The following AMOT variants were observed in gnomAD, a reference collection of about 807,000 sequenced individuals.
The protein encoded by AMOT is angiomotin.
A neutral mutation model predicts 67.0 loss-of-function variants in AMOT; 11 were observed. The observed-to-expected ratio is 0.16, with a 90% CI of 0.10 to 0.27. The LOEUF (loss-of-function observed/expected upper bound fraction) is 0.27, where lower values mean the gene tolerates loss of function less well. Among genes scored for constraint, AMOT ranks in the 10% least tolerant of loss-of-function variants. AMOT has a pLI of 1.00. For synonymous variants in AMOT, 326 were observed against 321.4 expected (o/e 1.01, Z -0.15); for missense variants, 753 against 852.0 (o/e 0.88, Z 1.45).
At position 112,779,241 on chromosome X, in the gene AMOT, A is replaced by G; in HGVS notation, c.2913T>C (p.Val971=). The stretch of plus-strand genomic sequence containing the variant: ...GAACTGGAGCCGGAGCAGCTGGAGC[A>G]ACCTGAACAGCAGCAGCAGCAGCAG... The part of the protein sequence containing the change: ...PSAAAAAAVQ[V]APAAPAPVPA... Residue 971 remains valine, a synonymous_variant, in exon 13 of 14, where the codon GTT becomes GTC. Transcript: ENST00000371959. 1 of 664,926 alleles carries G rather than the reference A, an allele frequency of 1.5e-6. No homozygotes were observed. Among genetic ancestry groups the G allele is most frequent in the Non-Finnish European group, 2.5e-6 (1 of 400,990 alleles). 54.8% of individuals were successfully genotyped at this position (664,926 alleles called of 1,213,427 possible).
chrX:112,823,815 T>C (rs946136259), intron 3 of AMOT, among the ~76,000 whole-genome samples: 5 of 112,162 alleles, frequency 4.5e-5, no homozygotes, highest in African/African-American at 1.6e-4. Context: ...CTCCTTGGCT[T>C]AATAAGAGAA....
chrX:112,786,868 T>C (rs1194330908), intron 10 of AMOT, among the ~76,000 whole-genome samples: 1 of 112,421 alleles, frequency 8.9e-6, no homozygotes, highest in Non-Finnish European at 1.9e-5. Context: ...AAATACTCAT[T>C]TTAGATATGC....
At chrX:112,825,364 G>A (rs1361653660) in intron 2 of AMOT, 144 bp from the exon 3 acceptor site, 2 of 111,899 alleles carry the variant, frequency 1.8e-5, no homozygotes, top group African/African-American at 6.5e-5. Flanking sequence ...GAGTAGCAGA[G>A]TCCATCTCCA....
chrX:112,785,299 T>C (rs1452854584), intron 10 of AMOT, among the ~76,000 whole-genome samples: 1 of 112,294 alleles, frequency 8.9e-6, no homozygotes, highest in Non-Finnish European at 1.9e-5. Context: ...GACGAAGTTA[T>C]CCCATCACAT....
At chrX:112,828,657 T>G (rs1449131703) in intron 2 of AMOT, among the ~76,000 whole-genome samples, 4 of 111,040 alleles carry the variant, frequency 3.6e-5, no homozygotes, top group African/African-American at 1.3e-4. Flanking sequence ...GACCACCTAG[T>G]GGTCCCACCC....
chrX:112,834,256 C>T lies in AMOT; in HGVS notation c.-288-1886G>A, dbSNP rs138602739. On this transcript the variant is annotated intron_variant, in intron 1 of 13. Coordinates refer to ENST00000371959, the MANE Select transcript of AMOT (RefSeq NM_001113490.2). Reference sequence around the variant, plus strand: ...CTTTACTGATTGAGTCCAGGCCTCTCGGATAATGAGAAGCATGTGCAGGGA... The same window carrying T: ...CTTTACTGATTGAGTCCAGGCCTCTTGGATAATGAGAAGCATGTGCAGGGA... 1.7e-3 allele frequency among the ~76,000 whole-genome samples: 188 copies of T among 111,416 alleles called. 2 individuals are homozygous for T. The highest frequency in any genetic ancestry group is 5.6e-3 in the Admixed American group (59 of 10,466).
chrX:112,809,516 C>G (rs983033854), intron 7 of AMOT, among the ~76,000 whole-genome samples: 25 of 111,120 alleles, frequency 2.2e-4, no homozygotes, highest in African/African-American at 8.2e-4. Context: ...TATCATCGAT[C>G]CTGCATATTA....
chrX:112,809,961 C>G lies in AMOT; in HGVS notation c.1563G>C (p.Gln521His), dbSNP rs770860350. 8.3e-7 allele frequency: 1 copy of G among 1,209,606 alleles called. No individual in the cohort carries two copies. The highest frequency in any genetic ancestry group is 3.0e-5 in the East Asian group (1 of 33,741). The change falls in exon 7 of 14, where the codon CAG becomes CAC. Residue 521 changes from glutamine (Q) to histidine (H), a missense_variant. Coordinates refer to ENST00000371959, the MANE Select transcript of AMOT (RefSeq NM_001113490.2). ...ACCCCTCATATTCCTTCTCTGCAAG[C>G]TGCTTGTTGGCAGTCTCTAGACGCT... ...LRERLETANK[Q>H]LAEKEYEGSE...
At chrX:112,834,916 C>T (rs886751993) in intron 1 of AMOT, among the ~76,000 whole-genome samples, 2 of 112,114 alleles carry the variant, frequency 1.8e-5, no homozygotes, top group African/African-American at 6.5e-5. Flanking sequence ...CCACACAGTA[C>T]AAAACTGTTT....
rs757593816 is a variant in AMOT, at chrX:112,815,415, G to C, written c.1335C>G (p.Asn445Lys). Residue 445 changes from asparagine (N) to lysine (K), a missense_variant, in exon 5 of 14, where the codon AAC becomes AAG. By Grantham distance (94) the Asn-to-Lys change is moderately conservative (BLOSUM62 0). This residue lies in a region of AMOT where 297 missense variants were observed against 284.3 expected (regional missense o/e 1.04). Transcript: ENST00000371959. The stretch of plus-strand genomic sequence containing the variant: ...CTTCCAACTCTTGCCTCAAGTTCCG[G>C]TTCTCGTCTGAGAGGATCTCAACCA... ...QQMVEILSDENRNLRQELEGC... is the reference protein window; with the variant it reads ...QQMVEILSDEKRNLRQELEGC... The C allele has an allele frequency of 8.3e-7, 1 of 1,211,655 alleles. No individual in the cohort carries two copies. Among genetic ancestry groups the C allele is most frequent in the South Asian group, 1.8e-5 (1 of 56,942 alleles).
In AMOT at chrX:112,778,034, A is replaced by G. The variant is rs1294418389; in HGVS notation, c.*533T>C. ...GCTCCAGTACCCTTCTGCACCCCAA[A>G]ACTCCCTACCTTTTTTCCAGCTTAC... On this transcript the variant is annotated 3_prime_UTR_variant, in exon 14 of 14. Coordinates refer to ENST00000371959, the MANE Select transcript of AMOT (RefSeq NM_001113490.2). 9.0e-6 allele frequency: 1 copy of G among 111,531 alleles called. No individual in the cohort carries two copies. Among genetic ancestry groups the G allele is most frequent in the East Asian group, 2.8e-4 (1 of 3,528 alleles). The allele number at this position is 111,531 out of a possible 1,213,427, so 9.2% of individuals were successfully genotyped here.
At position 112,791,925 on chromosome X, in the gene AMOT, T is replaced by C; in HGVS notation, c.1833A>G (p.Val611=). 2 of 1,212,061 alleles carry C rather than the reference T, an allele frequency of 1.7e-6. No individual in the cohort carries two copies. Among genetic ancestry groups the C allele is most frequent in the Non-Finnish European group, 2.2e-6 (2 of 895,498 alleles). ...DKVEKMQQAL[V]QLQAACEKRE... ...GTTTTTCACATGCTGCCTGGAGCTG[T>C]ACAAGGGCCTGCTGCATCTTCTCCA... The change falls in exon 9 of 14, where the codon GTA becomes GTG. Residue 611 remains valine, a synonymous_variant. Coordinates refer to ENST00000371959, the MANE Select transcript of AMOT (RefSeq NM_001113490.2).
At chrX:112,811,706 A>T (rs1439650096) in intron 5 of AMOT, among the ~76,000 whole-genome samples, 1 of 111,846 alleles carries the variant, frequency 8.9e-6, no homozygotes, top group East Asian at 2.8e-4. Flanking sequence ...TCTGAAGAAA[A>T]CTCTTAATTT....
In AMOT at chrX:112,805,006, C is replaced by T. The variant is rs767625475; in HGVS notation, c.1717G>A (p.Glu573Lys). The change falls in exon 8 of 14, where the codon GAA (glutamate) becomes AAA (lysine). Residue 573 changes from glutamate to lysine, a missense_variant. By Grantham distance (56) the Glu-to-Lys change is moderately conservative. Around this residue, in one of 5 missense-constraint regions of AMOT, gnomAD observed 66 missense variants for 112.9 expected, o/e 0.58. Coordinates refer to ENST00000371959, the MANE Select transcript of AMOT (RefSeq NM_001113490.2). ...STNEDQRRHI[E>K]IRDQALSNAQ... ...TTACTCAGGGCCTGATCTCGGATTT[C>T]GATGTGTCGTCTTTGGTCCTCATTG... 2 of 1,200,336 alleles carry T rather than the reference C, an allele frequency of 1.7e-6. No individual in the cohort carries two copies. Among genetic ancestry groups the T allele is most frequent in the Admixed American group, 2.2e-5 (1 of 45,533 alleles).
At chrX:112,797,880 A>G (rs1351932026) in intron 8 of AMOT, among the ~76,000 whole-genome samples, 2 of 108,544 alleles carry the variant, frequency 1.8e-5, no homozygotes, top group South Asian at 3.9e-4. Context: ...AATAGAAAGA[A>G]AGAGAGAGAG....
intron 5 of AMOT, among the ~76,000 whole-genome samples, chrX:112,813,433 T>C (rs778876099): frequency 5.4e-5 from 6 of 111,485 alleles, no homozygotes; most frequent in Non-Finnish European, 3.8e-5. Flanking sequence ...ACCTGGGATC[T>C]ACCTTAATTT....
At position 112,778,660 on chromosome X, in the gene AMOT, C is replaced by T. The variant is rs2083235671; in HGVS notation, c.3162G>A (p.Gly1054=). ...SLTCNPDKTD[G]PVFHSNTLER... is the part of the protein sequence containing the mutation. ...CCAGAGTATTGGAGTGGAACACAGGCCCATCTAAATGGAAATAAGGGTTAG... is the reference window on the plus strand; with the variant it reads ...CCAGAGTATTGGAGTGGAACACAGGTCCATCTAAATGGAAATAAGGGTTAG... The change falls in exon 14 of 14, where the codon GGG becomes GGA. Residue 1054 remains glycine, a synonymous_variant. Coordinates refer to ENST00000371959, the MANE Select transcript of AMOT (RefSeq NM_001113490.2). 8.4e-7 allele frequency: 1 copy of T among 1,191,096 alleles called. No homozygotes were observed. Among genetic ancestry groups the T allele is most frequent in the African/African-American group, 1.7e-5 (1 of 57,299 alleles).
At chrX:112,819,220 G>GCA in intron 4 of AMOT, 17 of 303,583 alleles carry the variant, frequency 5.6e-5, no homozygotes, top group Non-Finnish European at 6.6e-5. Context: ...ACATGTGCAT[G>GCA]CACACACACA....
chrX:112,832,077 A>C, intron 2 of AMOT, among the ~76,000 whole-genome samples: 1 of 111,158 alleles, frequency 9.0e-6, no homozygotes, highest in East Asian at 2.8e-4. Flanking sequence ...ATGGAAAGGG[A>C]AGTTGCTAGA....
Sources: gnomAD v4.1 joint callset for allele counts (sites outside exome capture counted in the v4.1 genomes callset) on GRCh38, gnomAD v4.1.1 for gene constraint, gnomAD v4.1.1 regional missense constraint, MANE v1.5 for transcripts, NCBI Gene and HGNC (gene_info 2026-07-23, HGNC 2026-07-21) for gene names.